TRMT44: variants seen among roughly 807,000 people sequenced by gnomAD.
TRMT44 encodes the protein probable tRNA (uracil-O(2)-)-methyltransferase.
TRMT44 carries 78 observed loss-of-function variants against 77.3 expected under a neutral mutation model. That is an observed-to-expected ratio of 1.01 (90% CI 0.84 to 1.22). The LOEUF (loss-of-function observed/expected upper bound fraction) is 1.22. TRMT44 is among the 50% of genes most tolerant of loss of function. The pLI is 0.00. For synonymous variants in TRMT44, 391 were observed against 383.3 expected, an observed-to-expected ratio of 1.02 and a Z score of -0.23; for missense variants, 1,090 against 964.4, an observed-to-expected ratio of 1.13 and a Z score of -1.73.
intron 2 of TRMT44, among the ~76,000 whole-genome samples, chr4:8,484,405 T>C (rs1226597287): frequency 6.6e-6 from 1 of 152,002 alleles, no homozygotes; most frequent in Non-Finnish European, 1.5e-5. Flanking sequence ...AACATAGATT[T>C]TGGAAATTAT....
chr4:8,515,526 C>T, the TRMT44 span, among the ~76,000 whole-genome samples: 1 of 152,238 alleles, frequency 6.6e-6, no homozygotes, highest in Non-Finnish European at 1.5e-5. Flanking sequence ...CAAGTGTCAC[C>T]AGGGGCAGGG....
intron 1 of TRMT44, among the ~76,000 whole-genome samples, chr4:8,442,487 CA>C (rs1390056748): frequency 1.3e-5 from 2 of 152,206 alleles, no homozygotes; most frequent in African/African-American, 2.4e-5. Flanking sequence ...CAAATTACTG[CA>C]AATTCATTGG....
At position 8,452,388 on chromosome 4, in the gene TRMT44, A is replaced by G. The variant is rs148433881; in HGVS notation, c.1023+360A>G. Among the ~76,000 whole-genome samples, 86 of 152,316 alleles carry G rather than the reference A, an allele frequency of 5.6e-4. No individual in the cohort carries two copies. The highest frequency in any genetic ancestry group is 1.9e-3 in the African/African-American group (79 of 41,566). On this transcript the variant is annotated intron_variant, in intron 4 of 10. Transcript: ENST00000389737. This position sits in a 1 kb window ranked among gnomAD's most constrained non-coding sequence, Gnocchi z 5.7. ...TCCTCAGCTGGCTCGCTAGCTGGCT[A>G]CATTTGGACATGCCCTCTGATTTAA...
chr4:8,499,047 A>G, the TRMT44 span, among the ~76,000 whole-genome samples: 1 of 151,848 alleles, frequency 6.6e-6, no homozygotes, highest in Admixed American at 6.6e-5. Flanking sequence ...GGGCAGATAC[A>G]GCTGCAGCAG....
chr4:8,460,427 T>C (rs1174520763), intron 6 of TRMT44, among the ~76,000 whole-genome samples: 2 of 152,222 alleles, frequency 1.3e-5, no homozygotes, highest in Non-Finnish European at 2.9e-5. Context: ...GATTATTCTT[T>C]TCTCTATCAC....
chr4:8,454,340 A>G lies in TRMT44; in HGVS notation c.1132-402A>G, dbSNP rs552999459. 2.0e-3 allele frequency: 390 copies of G among 195,556 alleles called. 1 individual carries two copies. The highest frequency in any genetic ancestry group is 8.6e-3 in the African/African-American group (377 of 43,976). The allele number at this position is 195,556 out of a possible 1,614,324, so 12.1% of individuals were successfully genotyped here. Reference sequence around the variant, plus strand: ...TTGCAGGGGTGTGGGTATCTGTTTTAGACAGCTGAGAAATTCTGGTGTCAT... The same window carrying G: ...TTGCAGGGGTGTGGGTATCTGTTTTGGACAGCTGAGAAATTCTGGTGTCAT... On this transcript the variant is annotated intron_variant, in intron 5 of 10. Coordinates refer to ENST00000389737, the MANE Select transcript of TRMT44 (RefSeq NM_152544.3).
chr4:8,498,800 G>A, the TRMT44 span, among the ~76,000 whole-genome samples: 48 of 152,176 alleles, frequency 3.2e-4, no homozygotes, highest in African/African-American at 7.2e-4. This position sits in a 1 kb window ranked among gnomAD's most constrained non-coding sequence, Gnocchi z 4.3. Context: ...TGCCAGGGGC[G>A]ATGTGTTCTG....
At chr4:8,465,672 A>T in intron 8 of TRMT44, 111 bp downstream of exon 8, 1 of 957,290 alleles carries the variant, frequency 1.0e-6, no homozygotes, top group Non-Finnish European at 1.5e-6. Context: ...ATGTTCTAGA[A>T]CGTGCCGGTG....
intron 8 of TRMT44, 67 bp downstream of exon 8, chr4:8,465,628 C>T (rs1645385553): frequency 3.7e-6 from 5 of 1,352,106 alleles, no homozygotes; most frequent in Non-Finnish European, 5.1e-6. Flanking sequence ...CAGGGCTCTG[C>T]CACAGAGCCA....
intron 7 of TRMT44, 77 bp downstream of exon 7, chr4:8,464,168 C>A: frequency 1.7e-6 from 2 of 1,164,022 alleles, no homozygotes; most frequent in Non-Finnish European, 2.5e-6. Flanking sequence ...AAAAGGGTAG[C>A]CACTAGCTGC....
downstream of TRMT44, among the ~76,000 whole-genome samples, chr4:8,495,277 T>C (rs577038258): frequency 1.8e-4 from 26 of 144,618 alleles, 1 homozygote; most frequent in Admixed American, 6.8e-4. Flanking sequence ...CCTGATGCCA[T>C]AGAGGAGAAA....
intron 7 of TRMT44, among the ~76,000 whole-genome samples, chr4:8,465,148 A>G (rs570432464): frequency 6.6e-6 from 1 of 152,216 alleles, no homozygotes; most frequent in East Asian, 1.9e-4. Flanking sequence ...GGTCTGTCTT[A>G]CCCCAAACCT....
chr4:8,514,504 T>C, the TRMT44 span, among the ~76,000 whole-genome samples: 1 of 152,038 alleles, frequency 6.6e-6, no homozygotes, highest in East Asian at 1.9e-4. Flanking sequence ...CTCACACTCC[T>C]GACCTCAGGT....
rs151089151 is a variant in TRMT44, at chr4:8,476,379, G to A, written c.*378G>A. The A allele has an allele frequency of 6.9e-3, 1,761 of 256,694 alleles. 36 individuals are homozygous for A. Among genetic ancestry groups the A allele is most frequent in the African/African-American group, 0.037 (1,681 of 45,532 alleles). 15.9% of individuals were successfully genotyped at this position (256,694 alleles called of 1,614,324 possible). ...GCCCCACCATGTCCACATCTGTGAAGAGGATGGGGCTCCTCGAGAAGTAAG... is the reference window on the plus strand; with the variant it reads ...GCCCCACCATGTCCACATCTGTGAAAAGGATGGGGCTCCTCGAGAAGTAAG... On this transcript the variant is annotated 3_prime_UTR_variant, in exon 11 of 11. Coordinates refer to ENST00000389737, the MANE Select transcript of TRMT44 (RefSeq NM_152544.3).
Position 8,452,127 on chromosome 4 carries a change from C to T in TRMT44, c.1023+99C>T, listed in dbSNP as rs544989084. ...GGACATTTTCCAAATCCATAACTGC[C>T]GGTGCTCACAATTCTGCTGGCCAAG... On this transcript the variant is annotated intron_variant, in intron 4 of 10. Transcript: ENST00000389737. The surrounding 1 kb of genome is among the most constrained non-coding windows in gnomAD (Gnocchi z 5.7). 2.2e-5 allele frequency: 24 copies of T among 1,092,964 alleles called. No individual in the cohort carries two copies. Among genetic ancestry groups the T allele is most frequent in the African/African-American group, 1.2e-4 (8 of 64,330 alleles). The allele number at this position is 1,092,964 out of a possible 1,614,324, so 67.7% of individuals were successfully genotyped here. A position where few individuals can be genotyped will look rare whatever the true frequency, so the allele number is the denominator to read the frequency against.
intron 6 of TRMT44, among the ~76,000 whole-genome samples, chr4:8,459,650 C>T (rs1304385228): frequency 6.6e-6 from 1 of 152,172 alleles, no homozygotes; most frequent in Non-Finnish European, 1.5e-5. Context: ...TCGAAAAGGT[C>T]CTACTTCAGA....
rs1426930368 is a variant in TRMT44, at chr4:8,452,603, A to G, written c.1024-279A>G. On this transcript the variant is annotated intron_variant, in intron 4 of 10. Transcript: ENST00000389737. The surrounding 1 kb of genome is among the most constrained non-coding windows in gnomAD (Gnocchi z 5.7). ...TACAAAATTAGCCAGGCGTGGTGGC[A>G]GGAGCCCATAGTTCCAGCTACTGGG... Among the ~76,000 whole-genome samples the G allele has an allele frequency of 1.3e-5, 2 of 152,148 alleles. No individual in the cohort carries two copies. The highest frequency in any genetic ancestry group is 2.9e-5 in the Non-Finnish European group (2 of 68,024).
At chr4:8,503,710 TC>T in the TRMT44 span, among the ~76,000 whole-genome samples, 229 of 152,304 alleles carry the variant, frequency 1.5e-3, no homozygotes, top group African/African-American at 5.0e-3. Context: ...GGAACAGAAT[TC>T]CCGTCCAGAA....
At chr4:8,500,714 T>G in the TRMT44 span, among the ~76,000 whole-genome samples, 9 of 151,336 alleles carry the variant, frequency 5.9e-5, no homozygotes, top group African/African-American at 1.9e-4. Context: ...TGGAGTGCAG[T>G]GGCGTTGACC....
Sources: allele counts gnomAD v4.1 joint callset (sites outside exome capture counted in the v4.1 genomes callset), GRCh38; gene constraint gnomAD v4.1.1; non-coding constraint Gnocchi (gnomAD v3.1); transcripts MANE v1.5; gene names NCBI Gene and HGNC (gene_info 2026-07-23, HGNC 2026-07-21).